CCDC171: variants seen among roughly 807,000 people sequenced by gnomAD.
CCDC171 encodes coiled-coil domain containing 171, also known as coiled-coil domain-containing protein 171.
CCDC171 carries 177 observed loss-of-function variants against 168.2 expected under a neutral mutation model. The ratio of observed to expected loss-of-function variants is 1.05; its 90% CI spans 0.93 to 1.19. The LOEUF (loss-of-function observed/expected upper bound fraction) is 1.19, where lower values mean the gene tolerates loss of function less well. Ranked by LOEUF, CCDC171 falls within the 50% of genes most tolerant of loss-of-function variation. The pLI is 0.00. For synonymous variants in CCDC171, 687 were observed against 540.8 expected (o/e 1.27, Z -3.75); for missense variants, 1,991 against 1,539.0 (o/e 1.29, Z -4.91).
At position 15,854,085 on chromosome 9, in the gene CCDC171, G is replaced by A. The variant is rs557930931; in HGVS notation, c.3468+5138G>A. ...GTAGTTTTCTTGTGATATCTTTGTC[G>A]GGCTTTAGGATCAGAGTAATACTGA... On this transcript the variant is annotated intron_variant, in intron 23 of 25. Coordinates refer to ENST00000380701, the MANE Select transcript of CCDC171 (RefSeq NM_173550.4). Among the ~76,000 whole-genome samples, 28 of 149,122 alleles carry A rather than the reference G, an allele frequency of 1.9e-4. No individual in the cohort carries two copies. The South Asian group carries it at 5.3e-3, about 28-fold the overall frequency.
chr9:15,595,164 A>AT (rs2042250672), intron 6 of CCDC171, among the ~76,000 whole-genome samples: 1 of 151,900 alleles, frequency 6.6e-6, no homozygotes, highest in Admixed American at 6.6e-5. Flanking sequence ...TTTTTTAATT[A>AT]TACTTTAAGT....
chr9:16,004,411 A>G (rs764091548), intron 3 of CCDC171, among the ~76,000 whole-genome samples: 2 of 152,242 alleles, frequency 1.3e-5, no homozygotes, highest in African/African-American at 2.4e-5. Context: ...AGGAAAAATA[A>G]CAAACTTACA....
chr9:15,877,079 T>G (rs945668809), intron 24 of CCDC171, among the ~76,000 whole-genome samples: 3 of 152,190 alleles, frequency 2.0e-5, no homozygotes, highest in African/African-American at 7.2e-5. Context: ...CTTTGTTCTC[T>G]GAACCTGGAA....
intron 16 of CCDC171, among the ~76,000 whole-genome samples, chr9:15,742,010 C>T (rs1470044667): frequency 6.6e-6 from 1 of 152,084 alleles, no homozygotes; most frequent in Admixed American, 6.6e-5. Context: ...CTGAGGTTCA[C>T]TTTTATTTTC....
At chr9:15,641,315 T>G (rs1384106112) in intron 7 of CCDC171, among the ~76,000 whole-genome samples, 3 of 152,204 alleles carry the variant, frequency 2.0e-5, no homozygotes, top group African/African-American at 7.2e-5. Flanking sequence ...TGATGTCTAT[T>G]TTGGTGGACT....
chr9:15,961,177 C>T (rs928064107), intron 25 of CCDC171, among the ~76,000 whole-genome samples: 2 of 152,104 alleles, frequency 1.3e-5, no homozygotes, highest in East Asian at 1.9e-4. Context: ...TCTTCTTTAC[C>T]TGAGTGCCTG....
At chr9:15,978,444 A>G (rs983404788), downstream of CCDC171, among the ~76,000 whole-genome samples, 1 of 152,118 alleles carries the variant, frequency 6.6e-6, no homozygotes, top group Non-Finnish European at 1.5e-5. Flanking sequence ...GTCCTGGCAC[A>G]TGGAGGTCAT....
intron 13 of CCDC171, 87 bp downstream of exon 13, chr9:15,723,833 C>T (rs762095554): frequency 1.8e-6 from 1 of 568,806 alleles, no homozygotes; most frequent in Non-Finnish European, 3.0e-6. Flanking sequence ...TATTGAGGTA[C>T]CTGAAAATAT....
chr9:15,925,448 G>A (rs1386124497), intron 25 of CCDC171, among the ~76,000 whole-genome samples: 1 of 151,434 alleles, frequency 6.6e-6, no homozygotes, highest in African/African-American at 2.4e-5. Context: ...TCTAATATAA[G>A]AATGGTCTGG....
chr9:15,960,186 T>G (rs1026958479), intron 25 of CCDC171, among the ~76,000 whole-genome samples: 10 of 152,168 alleles, frequency 6.6e-5, no homozygotes, highest in Admixed American at 4.6e-4. Context: ...CCTATAAAAA[T>G]AGCAATTATG....
chr9:15,745,819 A>G (rs1057203607), intron 18 of CCDC171, among the ~76,000 whole-genome samples, 188 bp downstream of exon 18: 1 of 152,094 alleles, frequency 6.6e-6, no homozygotes, highest in Admixed American at 6.6e-5. Context: ...TTTTGTCTCT[A>G]TTTATGGGGA....
Position 15,559,410 on chromosome 9 carries a change from C to G in CCDC171, c.-111-4568C>G, listed in dbSNP as rs191914343. On this transcript the variant is annotated intron_variant, in intron 1 of 25. Transcript: ENST00000380701. ...TCTAAGACTTGCTTTATGAATCTGG[C>G]TGCTCCCGTATTGGGTGCATATATA... 2.3e-3 allele frequency among the ~76,000 whole-genome samples: 357 copies of G among 152,192 alleles called. 2 individuals carry two copies. Among genetic ancestry groups the G allele is most frequent in the African/African-American group, 8.2e-3 (340 of 41,566 alleles).
chr9:15,671,439 G>A (rs2049102131), intron 9 of CCDC171, among the ~76,000 whole-genome samples: 1 of 151,880 alleles, frequency 6.6e-6, no homozygotes, highest in Non-Finnish European at 1.5e-5. Flanking sequence ...ACGTTGGTTT[G>A]CTGCATCCAT....
chr9:15,874,776 T>C (rs932816265), intron 24 of CCDC171, 113 bp downstream of exon 24: 4 of 1,042,808 alleles, frequency 3.8e-6, no homozygotes, highest in Admixed American at 6.9e-5. Context: ...GAGATGCAAA[T>C]AGATGTTTCT....
intron 6 of CCDC171, among the ~76,000 whole-genome samples, chr9:15,606,382 A>G (rs757979952): frequency 4.6e-5 from 7 of 152,176 alleles, no homozygotes; most frequent in Non-Finnish European, 7.4e-5. Flanking sequence ...TAATTGTTTC[A>G]TTTTCAAGCT....
intron 6 of CCDC171, among the ~76,000 whole-genome samples, chr9:15,608,500 A>G (rs373151190): frequency 2.0e-5 from 3 of 152,214 alleles, no homozygotes; most frequent in East Asian, 3.9e-4. Context: ...TTGAAATAGG[A>G]TATGTGTGAA....
chr9:15,956,438 A>G (rs1161663632), intron 25 of CCDC171, among the ~76,000 whole-genome samples: 1 of 152,200 alleles, frequency 6.6e-6, no homozygotes, highest in Non-Finnish European at 1.5e-5. Context: ...AAAGAGCCCT[A>G]TCTTTAAGGT....
intron 11 of CCDC171, among the ~76,000 whole-genome samples, chr9:15,701,931 A>G (rs2051782029): frequency 6.6e-6 from 1 of 152,240 alleles, no homozygotes; most frequent in African/African-American, 2.4e-5. Flanking sequence ...GCCCAGATCC[A>G]TCAGAGGAAT....
chr9:15,730,360 G>A (rs966378784), intron 16 of CCDC171, among the ~76,000 whole-genome samples: 1 of 151,622 alleles, frequency 6.6e-6, no homozygotes, highest in Admixed American at 6.6e-5. Flanking sequence ...TAGAAGTTAT[G>A]GGTTAACATA....
Sources: gnomAD v4.1 joint callset for allele counts (sites outside exome capture counted in the v4.1 genomes callset) on GRCh38, gnomAD v4.1.1 for gene constraint, MANE v1.5 for transcripts, NCBI Gene and HGNC (gene_info 2026-07-23, HGNC 2026-07-21) for gene names.